CACNA2D2: variants seen among roughly 807,000 people sequenced by gnomAD.
CACNA2D2 encodes voltage-dependent calcium channel subunit alpha-2/delta-2.
In CACNA2D2, 48 loss-of-function variants were observed where a neutral mutation model predicts 166.4. The observed-to-expected ratio is 0.29, with a 90% confidence interval of 0.23 to 0.37. The LOEUF (loss-of-function observed/expected upper bound fraction) is 0.37. Ranked by LOEUF, CACNA2D2 falls within the 10% of genes least tolerant of loss-of-function variation. The pLI, the probability that CACNA2D2 is intolerant of heterozygous loss-of-function variation, is 1.00. For synonymous variants in CACNA2D2, 561 were observed against 573.7 expected, an observed-to-expected ratio of 0.98 and a Z score of 0.32; for missense variants, 1,122 against 1,433.0, an observed-to-expected ratio of 0.78 and a Z score of 3.50.
At chr3:50,409,767 A>G (rs976186756) in intron 3 of CACNA2D2, among the ~76,000 whole-genome samples, 2 of 152,180 alleles carry the variant, frequency 1.3e-5, no homozygotes. Context: ...AGACACCCTG[A>G]GCCCTCTCTG....
Position 50,380,728 on chromosome 3 carries a change from G to A in CACNA2D2, c.842+20C>T, listed in dbSNP as rs1302884611. The stretch of plus-strand genomic sequence containing the variant: ...GGAACTGAGGGGGTGTCCCTCCCCA[G>A]CCCCTTCTTGCTCGCTCACCAGGGT... On this transcript the variant is annotated intron_variant, in intron 8 of 37. Coordinates refer to ENST00000424201, the MANE Select transcript of CACNA2D2 (RefSeq NM_006030.4). The surrounding 1 kb of genome is among the most constrained non-coding windows in gnomAD (Gnocchi z 4.9). 1.3e-6 allele frequency: 2 copies of A among 1,505,574 alleles called. No homozygotes were observed. The highest frequency in any genetic ancestry group is 2.4e-5 in the East Asian group (1 of 41,232). The allele number at this position is 1,505,574 out of a possible 1,614,324, so 93.3% of individuals were successfully genotyped here.
chr3:50,424,736 C>T (rs372651459), intron 3 of CACNA2D2, among the ~76,000 whole-genome samples: 11 of 152,298 alleles, frequency 7.2e-5, no homozygotes, highest in East Asian at 1.9e-4. Flanking sequence ...GCTGAAGCAA[C>T]GGAACCTGAG....
intron 3 of CACNA2D2, among the ~76,000 whole-genome samples, chr3:50,416,913 G>A (rs1329866726): frequency 1.3e-5 from 2 of 152,202 alleles, no homozygotes; most frequent in Admixed American, 6.5e-5. Flanking sequence ...TGGGCATGAT[G>A]GGCTGAGATG....
rs1397114840 is a variant in CACNA2D2, at chr3:50,376,200, G to A, written c.1627-12C>T. On this transcript the variant is annotated splice_polypyrimidine_tract_variant and intron_variant, in intron 17 of 37. Coordinates refer to ENST00000424201, the MANE Select transcript of CACNA2D2 (RefSeq NM_006030.4). The surrounding 1 kb of genome is among the most constrained non-coding windows in gnomAD (Gnocchi z 4.3). ...CCGTTGGCTCCAAGCTGGAGGCACA[G>A]ATTGGGGGCTCAGGGTCTGGAGGGA... 1 of 1,613,140 alleles carries A rather than the reference G, an allele frequency of 6.2e-7. No homozygotes were observed. The highest frequency in any genetic ancestry group is 1.7e-5 in the Admixed American group (1 of 60,010).
intron 3 of CACNA2D2, among the ~76,000 whole-genome samples, chr3:50,417,020 C>T (rs998663838): frequency 4.6e-5 from 7 of 152,176 alleles, no homozygotes; most frequent in African/African-American, 1.7e-4. Flanking sequence ...TGGTTGCAGA[C>T]AGGGGAAGAA....
chr3:50,379,743 GT>G lies in CACNA2D2; in HGVS notation c.974del (p.Asp325AlafsTer3), dbSNP rs1304198021. On this transcript the variant is annotated frameshift_variant, in exon 10 of 38. Transcript: ENST00000424201. LOFTEE classifies it high-confidence loss of function. This position sits in a 1 kb window ranked among gnomAD's most constrained non-coding sequence, Gnocchi z 6.5. ...CACTCACCGAGGCCACATTCACATA[GT>G]CATCATCAGACAGCGTGTCCAGCAT... is the stretch of plus-strand genomic sequence containing the variant. ...CEMLDTLSDDDYVNVASFNEK... is the reference protein window; with the variant it reads ...CEMLDTLSDDXYVNVASFNEK... The G allele has an allele frequency of 6.2e-7, 1 of 1,613,918 alleles. No homozygotes were observed.
chr3:50,475,088 C>G (rs1710251897), intron 2 of CACNA2D2, among the ~76,000 whole-genome samples: 1 of 152,156 alleles, frequency 6.6e-6, no homozygotes, highest in Non-Finnish European at 1.5e-5. Flanking sequence ...ACATTCACAC[C>G]CAATGTCAAC....
rs1389771095 is a variant in CACNA2D2, at chr3:50,461,676, G to A, written c.288+14442C>T. 1.3e-4 allele frequency among the ~76,000 whole-genome samples: 20 copies of A among 150,606 alleles called. No homozygotes were observed. In the South Asian group the frequency reaches 3.8e-3, roughly 29 times the overall value. ...CTCAGGAGGCTGAGGCAGGAGAATCGCTTGAATCTGGGAGGCAGAGGTTGC... is the reference window on the plus strand; with the variant it reads ...CTCAGGAGGCTGAGGCAGGAGAATCACTTGAATCTGGGAGGCAGAGGTTGC... On this transcript the variant is annotated intron_variant, in intron 2 of 37. Transcript: ENST00000424201.
Position 50,365,180 on chromosome 3 carries a change from A to G in CACNA2D2, c.3103T>C (p.Phe1035Leu). Residue 1035 changes from phenylalanine (F) to leucine (L), a missense_variant, in exon 36 of 38, where the codon TTC (phenylalanine) becomes CTC (leucine). By Grantham distance (22) the Phe-to-Leu change is conservative. Around this residue, in one of 2 missense-constraint regions of CACNA2D2, gnomAD observed 282 missense variants for 266.2 expected, o/e 1.06. Transcript: ENST00000424201. The surrounding 1 kb of genome is among the most constrained non-coding windows in gnomAD (Gnocchi z 4.5). ...IIDCGNCSRL[F>L]HAQRLTNTNL... ...GTGTTGGTCAGTCTCTGCGCGTGGAACAGCCTGCGGGCAGCCCGGAAAGGC... is the reference window on the plus strand; with the variant it reads ...GTGTTGGTCAGTCTCTGCGCGTGGAGCAGCCTGCGGGCAGCCCGGAAAGGC... 6.2e-7 allele frequency: 1 copy of G among 1,611,860 alleles called. No homozygotes were observed. The highest frequency in any genetic ancestry group is 8.5e-7 in the Non-Finnish European group (1 of 1,179,602).
chr3:50,468,829 C>CTTT (rs5848893), intron 2 of CACNA2D2, among the ~76,000 whole-genome samples: 20 of 133,086 alleles, frequency 1.5e-4, no homozygotes, highest in East Asian at 6.7e-4. Context: ...CCTTCTCTCT[C>CTTT]TTTTTTTTTT....
chr3:50,382,610 G>A (rs117059778), intron 6 of CACNA2D2, among the ~76,000 whole-genome samples: 1 of 152,336 alleles, frequency 6.6e-6, no homozygotes, highest in East Asian at 1.9e-4. Context: ...TGAACAGTAT[G>A]TTATGGTCCT....
At chr3:50,429,007 G>A (rs1266400238) in intron 3 of CACNA2D2, among the ~76,000 whole-genome samples, 2 of 151,802 alleles carry the variant, frequency 1.3e-5, no homozygotes, top group Admixed American at 1.3e-4. Context: ...AGGCGCGCAG[G>A]TTGCCTGAGC....
chr3:50,434,542 G>C (rs1708221118), intron 2 of CACNA2D2, 113 bp from the exon 3 acceptor site: 1 of 784,370 alleles, frequency 1.3e-6, no homozygotes, highest in South Asian at 1.6e-5. Flanking sequence ...CCCGCACCCA[G>C]ACCCTGTCTT....
At chr3:50,473,657 A>T (rs1435915371) in intron 2 of CACNA2D2, among the ~76,000 whole-genome samples, 1 of 152,180 alleles carries the variant, frequency 6.6e-6, no homozygotes, top group Non-Finnish European at 1.5e-5. Flanking sequence ...CTTCGTGTGC[A>T]TTTGGAGAGC....
chr3:50,488,424 C>G (rs889541790), intron 1 of CACNA2D2, among the ~76,000 whole-genome samples: 8 of 152,174 alleles, frequency 5.3e-5, no homozygotes, highest in Admixed American at 3.3e-4. Context: ...CCCATCACAA[C>G]TGGGCCCGGG....
intron 3 of CACNA2D2, among the ~76,000 whole-genome samples, chr3:50,424,345 G>A (rs768033310): frequency 3.9e-5 from 6 of 152,148 alleles, no homozygotes; most frequent in Non-Finnish European, 5.9e-5. Context: ...AGGGAGCCCC[G>A]TGTACCCCAG....
At chr3:50,494,093 C>T (rs1043670362) in intron 1 of CACNA2D2, among the ~76,000 whole-genome samples, 1 of 152,006 alleles carries the variant, frequency 6.6e-6, no homozygotes, top group African/African-American at 2.4e-5. Flanking sequence ...GCAAGCCTGG[C>T]GGGGGGTCCA....
rs1705265403 is a variant in CACNA2D2 at position 50,380,817 on chromosome 3, G to C, written c.785-12C>G. 6.5e-6 allele frequency: 10 copies of C among 1,543,626 alleles called. No homozygotes were observed. In the Middle Eastern group the frequency reaches 8.7e-4, roughly 135 times the overall value. ...TCGCCACGGGGTGGCTGAGGGAGGA[G>C]AGAAGGTGAGGGGGACTGGCAGGAA... On this transcript the variant is annotated splice_polypyrimidine_tract_variant and intron_variant, in intron 7 of 37. Coordinates refer to ENST00000424201, the MANE Select transcript of CACNA2D2 (RefSeq NM_006030.4). This position sits in a 1 kb window ranked among gnomAD's most constrained non-coding sequence, Gnocchi z 4.9.
intron 2 of CACNA2D2, among the ~76,000 whole-genome samples, chr3:50,464,396 G>A (rs982675367): frequency 1.3e-5 from 2 of 152,222 alleles, no homozygotes; most frequent in Non-Finnish European, 2.9e-5. Context: ...AATCATGCAG[G>A]TGGGAGAATC....
Sources: allele counts gnomAD v4.1 joint callset (sites outside exome capture counted in the v4.1 genomes callset), GRCh38; gene constraint gnomAD v4.1.1; regional missense constraint gnomAD v4.1.1; non-coding constraint Gnocchi (gnomAD v3.1); transcripts MANE v1.5; gene names NCBI Gene and HGNC (gene_info 2026-07-23, HGNC 2026-07-21).